Variants in RGS11 observed in about 807,000 individuals in gnomAD.
RGS11 encodes regulator of G-protein signaling 11.
Under a neutral mutation model 71.1 loss-of-function variants are expected in RGS11, and 86 were observed. The ratio of observed to expected loss-of-function variants is 1.21; its 90% CI spans 1.02 to 1.45. RGS11 has a LOEUF of 1.45. RGS11 is among the 40% of genes most tolerant of loss of function. The pLI is 0.00. For missense variants in RGS11, 734 were observed against 635.1 expected, an observed-to-expected ratio of 1.16 and a Z score of -1.67; for synonymous variants, 298 against 254.2, an observed-to-expected ratio of 1.17 and a Z score of -1.64.
intron 9 of RGS11, chr16:272,330 G>A: frequency 1.6e-6 from 2 of 1,288,892 alleles, no homozygotes; most frequent in Non-Finnish European, 2.0e-6. Context: ...AGCTTTGTAT[G>A]GGGAAATGTT....
chr16:269,895 A>G lies in RGS11; in HGVS notation c.1207-310T>C, dbSNP rs2051841594. On this transcript the variant is annotated intron_variant, in intron 15 of 16. Transcript: ENST00000397770. ...AGGAATGGCTCCGTGTGCCCCACAG[A>G]GTGAGGGCAGGGTTGTGGAGTCAAA... The G allele has an allele frequency of 1.8e-5, 6 of 327,442 alleles. No homozygotes were observed. The East Asian group carries it at 3.1e-4, about 17-fold the overall frequency. 20.3% of individuals were successfully genotyped at this position (327,442 alleles called of 1,614,324 possible). A position where few individuals can be genotyped will look rare whatever the true frequency, so the allele number is the denominator to read the frequency against.
rs774818939 is a variant in RGS11 at position 270,754 on chromosome 16, C to T, written c.1057G>A (p.Ala353Thr). Residue 353 changes from alanine (A) to threonine (T), a missense_variant, in exon 14 of 17, where the codon GCC becomes ACC. Coordinates refer to ENST00000397770, the MANE Select transcript of RGS11 (RefSeq NM_183337.3). ...CCACGCAGCACTTACTCGTACACGGCATCCACCAGGGTGGGGACCTGGGCC... is the reference window on the plus strand; with the variant it reads ...CCACGCAGCACTTACTCGTACACGGTATCCACCAGGGTGGGGACCTGGGCC... ...AQAQVPTLVD[A>T]VYEQFLAPGA... 2 of 1,611,708 alleles carry T rather than the reference C, an allele frequency of 1.2e-6. No individual in the cohort carries two copies. Among genetic ancestry groups the T allele is most frequent in the Admixed American group, 3.3e-5 (2 of 59,912 alleles).
In RGS11 at chr16:275,450, T is replaced by C. The variant is rs750231818; in HGVS notation, c.112A>G (p.Met38Val). Residue 38 changes from methionine (M) to valine (V), a missense_variant, in exon 2 of 17, where the codon ATG (methionine) becomes GTG (valine). Transcript: ENST00000397770. ...GTGACCAGCAGGCGCTGGCTCCGCA[T>C]CTTCACGCCCTGGTCGGGGTCCTGC... ...SMQDPDQGVK[M>V]RSQRLLVTVI... 22 of 1,597,536 alleles carry C rather than the reference T, an allele frequency of 1.4e-5. No homozygotes were observed. In the African/African-American group the frequency reaches 2.4e-4, roughly 17 times the overall value.
At chr16:270,300 T>C (rs749547819) in intron 15 of RGS11, among the ~76,000 whole-genome samples, 4 of 152,186 alleles carry the variant, frequency 2.6e-5, no homozygotes, top group Non-Finnish European at 4.4e-5. Context: ...TTATTAAGCA[T>C]GTGATCTGGG....
chr16:272,097 A>C, intron 9 of RGS11: 1 of 1,043,492 alleles, frequency 9.6e-7, no homozygotes, highest in Non-Finnish European at 1.2e-6. Flanking sequence ...CAGCCTCCCA[A>C]AGTGCTGGGA....
In RGS11 at chr16:268,620, G is replaced by C; in HGVS notation, c.*649C>G. On this transcript the variant is annotated 3_prime_UTR_variant, in exon 17 of 17. Coordinates refer to ENST00000397770, the MANE Select transcript of RGS11 (RefSeq NM_183337.3). The stretch of plus-strand genomic sequence containing the variant: ...ACAATGTCAGAGTTGTCTATAAATC[G>C]GGGGGGAGGCCGCGGCCTCGAGGTG... 3 of 673,974 alleles carry C rather than the reference G, an allele frequency of 4.5e-6. No individual in the cohort carries two copies. The highest frequency in any genetic ancestry group is 1.8e-5 in the South Asian group (1 of 55,454). The allele number at this position is 673,974 out of a possible 1,614,324, so 41.7% of individuals were successfully genotyped here. A position where few individuals can be genotyped will look rare whatever the true frequency, so the allele number is the denominator to read the frequency against.
At position 271,540 on chromosome 16, in the gene RGS11, C is replaced by G. The variant is rs1301121112; in HGVS notation, c.687G>C (p.Glu229Asp). ...CTCCACTCCCAGCTCCAGAACTTAC[C>G]TCCCGCTTATGGAAATCTGCACTCT... The part of the protein sequence containing the change: ...MTKSADFHKR[E>D]IEYFRKALGR... The change falls in exon 10 of 17, where the codon GAG becomes GAC. Residue 229 changes from glutamate (E) to aspartate (D), a missense_variant and splice_region_variant. By Grantham distance (45) the Glu-to-Asp change is conservative. Coordinates refer to ENST00000397770, the MANE Select transcript of RGS11 (RefSeq NM_183337.3). 6.2e-7 allele frequency: 1 copy of G among 1,614,012 alleles called. No homozygotes were observed. The highest frequency in any genetic ancestry group is 8.5e-7 in the Non-Finnish European group (1 of 1,180,020).
intron 13 of RGS11, 25 bp downstream of exon 13, chr16:270,959 G>A (rs771387137): frequency 6.3e-7 from 1 of 1,584,850 alleles, no homozygotes; most frequent in Non-Finnish European, 8.7e-7. Context: ...CGCTGGGACT[G>A]GAGCAGGGGC....
rs1436693590 is a variant in RGS11, at chr16:272,920, G to A, written c.600C>T (p.Pro200=). ...WLVNRPPPGA[P]DVLEQGPGRG... ...GCCCTGGACCCTGCTCCAGCACATC[G>A]GGGGCCCCGGGCTGCGGAGGGGAGA... The change falls in exon 9 of 17, where the codon CCC becomes CCT. Residue 200 remains proline (P), a synonymous_variant. Coordinates refer to ENST00000397770, the MANE Select transcript of RGS11 (RefSeq NM_183337.3). 5 of 1,516,280 alleles carry A rather than the reference G, an allele frequency of 3.3e-6. No individual in the cohort carries two copies. The highest frequency in any genetic ancestry group is 1.4e-5 in the African/African-American group (1 of 72,332). 93.9% of individuals were successfully genotyped at this position (1,516,280 alleles called of 1,614,324 possible). A position where few individuals can be genotyped will look rare whatever the true frequency, so the allele number is the denominator to read the frequency against.
rs141992598 is a variant in RGS11, at chr16:271,282, G to A, written c.783C>T (p.His261=). 181 of 1,612,950 alleles carry A rather than the reference G, an allele frequency of 1.1e-4. 1 individual carries two copies. The African/African-American group carries it at 1.7e-3, about 15-fold the overall frequency. Residue 261 remains histidine (H), a synonymous_variant, in exon 12 of 17, where the codon CAC becomes CAT. Coordinates refer to ENST00000397770, the MANE Select transcript of RGS11 (RefSeq NM_183337.3). ...YLSFCGQRGP[H]DPLVSGCLPS... ...GCAGGCACCCCGACACGAGGGGATC[G>A]TGGGGTCCACGCTGGCCGCAGAAAC... is the stretch of plus-strand genomic sequence containing the variant.
chr16:275,295 C>G lies in RGS11; in HGVS notation c.199G>C (p.Val67Leu). The change falls in exon 3 of 17, where the codon GTC becomes CTC. Residue 67 changes from valine to leucine, a missense_variant. Transcript: ENST00000397770. ...GCAGGGCGCTCACCCTCCTCCGAGA[C>G]GCAGAACTTCTGGGCCAACCACTGC... ...VVQWLAQKFC[V>L]SEEEALHLGA... 3 of 1,612,616 alleles carry G rather than the reference C, an allele frequency of 1.9e-6. No individual in the cohort carries two copies. Among genetic ancestry groups the G allele is most frequent in the South Asian group, 2.2e-5 (2 of 91,084 alleles).
At chr16:272,511 G>A in intron 9 of RGS11, 1 of 1,372,520 alleles carries the variant, frequency 7.3e-7, no homozygotes, top group Non-Finnish European at 9.6e-7. Flanking sequence ...GGAGGTTGCT[G>A]GATCTGCTGA....
chr16:270,848 C>T lies in RGS11; in HGVS notation c.980-17G>A, dbSNP rs2051898780. 1.2e-6 allele frequency: 2 copies of T among 1,607,612 alleles called. No homozygotes were observed. Among genetic ancestry groups the T allele is most frequent in the African/African-American group, 1.3e-5 (1 of 74,916 alleles). On this transcript the variant is annotated splice_polypyrimidine_tract_variant and intron_variant, in intron 13 of 16. Coordinates refer to ENST00000397770, the MANE Select transcript of RGS11 (RefSeq NM_183337.3). ...GGTTTTCTCCTGGGGGGCCGGGCAC[C>T]CAGTCAAGGATCCCATCGAGAGTGG...
At chr16:275,665 G>T (rs1264248922) in intron 1 of RGS11, 167 bp from the exon 2 acceptor site, 2 of 463,136 alleles carry the variant, frequency 4.3e-6, no homozygotes, top group East Asian at 4.0e-5. Context: ...GGAGGGCCGG[G>T]GAGGGCCGGG....
At position 269,596 on chromosome 16, in the gene RGS11, C is replaced by T. The variant is rs199521531; in HGVS notation, c.1207-11G>A. 6.8e-6 allele frequency: 11 copies of T among 1,607,086 alleles called. No individual in the cohort carries two copies. In the African/African-American group the frequency reaches 1.5e-4, roughly 21 times the overall value. The stretch of plus-strand genomic sequence containing the variant: ...CCTTGGGTAGGAGTCCTACAAGAGA[C>T]AGCGTCCAGCCCCTGACCCTTCTGC... On this transcript the variant is annotated splice_polypyrimidine_tract_variant and intron_variant, in intron 15 of 16. Transcript: ENST00000397770.
chr16:275,796 G>T, intron 1 of RGS11, 53 bp downstream of exon 1: 1 of 696,006 alleles, frequency 1.4e-6, no homozygotes, highest in Middle Eastern at 5.3e-4. Flanking sequence ...GGCCCCTCCC[G>T]GCCTCGGGCG....
chr16:272,037 T>C (rs554120891), intron 9 of RGS11: 1 of 431,638 alleles, frequency 2.3e-6, no homozygotes, highest in South Asian at 3.8e-5. Context: ...GGTTTCTCCA[T>C]GTTGATCTAG....
Position 273,469 on chromosome 16 carries a change from G to T in RGS11, c.588+6C>A. 1.3e-6 allele frequency: 2 copies of T among 1,547,392 alleles called. No homozygotes were observed. Among genetic ancestry groups the T allele is most frequent in the East Asian group, 2.4e-5 (1 of 41,034 alleles). ...CGACCCCCACCCTCACCGCAGGTGG[G>T]CTCACCGGGGGCCTGTTCACCAGCC... On this transcript the variant is annotated splice_donor_region_variant and intron_variant, in intron 8 of 16. Transcript: ENST00000397770.
At position 268,841 on chromosome 16, in the gene RGS11, C is replaced by T; in HGVS notation, c.*428G>A. On this transcript the variant is annotated 3_prime_UTR_variant, in exon 17 of 17. Transcript: ENST00000397770. ...AGAGCTCGCGCCGAGACCTGCATGTCCGCGTCTTGTGACGGGTGTGTGGGA... is the reference window on the plus strand; with the variant it reads ...AGAGCTCGCGCCGAGACCTGCATGTTCGCGTCTTGTGACGGGTGTGTGGGA... 6.4e-7 allele frequency: 1 copy of T among 1,550,434 alleles called. No homozygotes were observed. Among genetic ancestry groups the T allele is most frequent in the Non-Finnish European group, 8.7e-7 (1 of 1,146,964 alleles).
Sources: allele counts gnomAD v4.1 joint callset (sites outside exome capture counted in the v4.1 genomes callset), GRCh38; gene constraint gnomAD v4.1.1; transcripts MANE v1.5; gene names NCBI Gene and HGNC (gene_info 2026-07-23, HGNC 2026-07-21).